Variants in PTPRN2 observed in about 807,000 individuals in gnomAD.
The protein encoded by PTPRN2 is protein tyrosine phosphatase receptor type N2.
Under a neutral mutation model 118.8 loss-of-function variants are expected in PTPRN2, and 74 were observed. The ratio of observed to expected loss-of-function variants is 0.62; its 90% CI spans 0.52 to 0.76. The LOEUF (loss-of-function observed/expected upper bound fraction) is 0.76. PTPRN2 is among the 30% of genes least tolerant of loss of function. The pLI is 0.00. For synonymous variants in PTPRN2, 641 were observed against 608.0 expected (o/e 1.05, Z -0.80); for missense variants, 1,481 against 1,394.4 (o/e 1.06, Z -0.99).
At chr7:158,077,156 G>C (rs938809336) in intron 11 of PTPRN2, among the ~76,000 whole-genome samples, 1 of 152,164 alleles carries the variant, frequency 6.6e-6, no homozygotes, top group Admixed American at 6.5e-5. Flanking sequence ...TCCAGGCATC[G>C]GCACAGAGTC....
chr7:157,747,752 C>G (rs12698107), intron 12 of PTPRN2, among the ~76,000 whole-genome samples: 33 of 72,442 alleles, frequency 4.6e-4, no homozygotes, highest in Middle Eastern at 0.012. Flanking sequence ...TCTCTGAGCT[C>G]TGGGCTGTCC....
chr7:157,828,816 T>C (rs1807357028), intron 12 of PTPRN2, among the ~76,000 whole-genome samples: 1 of 152,248 alleles, frequency 6.6e-6, no homozygotes, highest in Non-Finnish European at 1.5e-5. Flanking sequence ...AAAGGTCCAG[T>C]AGTGGAGAAT....
intron 11 of PTPRN2, among the ~76,000 whole-genome samples, chr7:157,913,086 C>T (rs1798189869): frequency 6.6e-6 from 1 of 152,070 alleles, no homozygotes; most frequent in Admixed American, 6.5e-5. Flanking sequence ...CATTTATTGT[C>T]TTCAACATCT....
At chr7:158,359,159 C>G (rs1808632325) in intron 2 of PTPRN2, among the ~76,000 whole-genome samples, 1 of 152,106 alleles carries the variant, frequency 6.6e-6, no homozygotes, top group South Asian at 2.1e-4. Context: ...CTGCTCAGAC[C>G]CCAGAAATCC....
chr7:157,894,006 C>T (rs1284702426), intron 12 of PTPRN2, among the ~76,000 whole-genome samples: 1 of 152,186 alleles, frequency 6.6e-6, no homozygotes, highest in African/African-American at 2.4e-5. Flanking sequence ...TCCAGCTTCA[C>T]CTGGAATGGG....
intron 2 of PTPRN2, among the ~76,000 whole-genome samples, chr7:158,474,732 C>A (rs983344663): frequency 6.6e-6 from 1 of 152,036 alleles, no homozygotes; most frequent in Non-Finnish European, 1.5e-5. Flanking sequence ...TGAGAGGGAC[C>A]CTCTTCCCAA....
At chr7:158,299,529 C>A (rs1800734637) in intron 3 of PTPRN2, among the ~76,000 whole-genome samples, 1 of 152,174 alleles carries the variant, frequency 6.6e-6, no homozygotes, top group Non-Finnish European at 1.5e-5. Context: ...AACTCCTGAC[C>A]TCTTGATCCG....
intron 2 of PTPRN2, among the ~76,000 whole-genome samples, chr7:158,376,191 T>C (rs116518786): frequency 1.1e-3 from 169 of 152,272 alleles, no homozygotes; most frequent in African/African-American, 3.9e-3. Context: ...CTCCCTTCCC[T>C]AAGGCTCTTT....
At chr7:158,152,084 G>A (rs1821240885) in intron 6 of PTPRN2, among the ~76,000 whole-genome samples, 1 of 146,348 alleles carries the variant, frequency 6.8e-6, no homozygotes, top group African/African-American at 2.5e-5. Flanking sequence ...TGAGGCAGGA[G>A]AATGGTGTGA....
rs1304412647 is a variant in PTPRN2 at position 158,258,986 on chromosome 7, C to T, written c.278-53713G>A. 2.0e-5 allele frequency among the ~76,000 whole-genome samples: 3 copies of T among 152,070 alleles called. No individual in the cohort carries two copies. The East Asian group carries it at 5.8e-4, about 29-fold the overall frequency. On this transcript the variant is annotated intron_variant, in intron 3 of 22. Transcript: ENST00000389418. ...CCAGAGTGGGGTGAGGGAGGTGCAGCGTCGGTACAGGGAGGCAGGAAGCAG... is the reference window on the plus strand; with the variant it reads ...CCAGAGTGGGGTGAGGGAGGTGCAGTGTCGGTACAGGGAGGCAGGAAGCAG...
intron 2 of PTPRN2, among the ~76,000 whole-genome samples, chr7:158,348,461 T>C: frequency 1.0e-5 from 1 of 98,494 alleles, no homozygotes; most frequent in Non-Finnish European, 2.0e-5. Flanking sequence ...CACCCTGGGG[T>C]CCCCATTCAC....
At position 157,596,933 on chromosome 7, in the gene PTPRN2, G is replaced by A. The variant is rs144918901; in HGVS notation, c.2419-1618C>T. On this transcript the variant is annotated intron_variant, in intron 16 of 22. Transcript: ENST00000389418. The surrounding 1 kb of genome is among the most constrained non-coding windows in gnomAD (Gnocchi z 4.2). ...TATGCAATTTTAAGCCAACGCACGA[G>A]GACATCAGTGGTGGCCCCGGTGCTA... Among the ~76,000 whole-genome samples the A allele has an allele frequency of 1.8e-4, 28 of 152,330 alleles. No homozygotes were observed. In the East Asian group the frequency reaches 5.0e-3, roughly 27 times the overall value.
intron 2 of PTPRN2, among the ~76,000 whole-genome samples, chr7:158,375,759 G>A (rs938462011): frequency 6.6e-6 from 1 of 152,180 alleles, no homozygotes; most frequent in Admixed American, 6.5e-5. Context: ...TGTCAGGGAA[G>A]GAGAGAAGAG....
intron 3 of PTPRN2, among the ~76,000 whole-genome samples, chr7:158,266,387 G>A (rs113281237): frequency 3.5e-5 from 5 of 144,926 alleles, no homozygotes; most frequent in Admixed American, 6.9e-5. Flanking sequence ...CTGGCAGTGA[G>A]GCTGGGGACG....
At position 157,785,388 on chromosome 7, in the gene PTPRN2, G is replaced by A. The variant is rs1253362265; in HGVS notation, c.1789-102451C>T. On this transcript the variant is annotated intron_variant, in intron 12 of 22. Transcript: ENST00000389418. The surrounding 1 kb of genome is among the most constrained non-coding windows in gnomAD (Gnocchi z 7.3). The stretch of plus-strand genomic sequence containing the variant: ...GACCACGGTGCTCCAAAACGAAATC[G>A]CCCCCGAGGATGAAAGGGGGTGGTG... Among the ~76,000 whole-genome samples, 2 of 152,150 alleles carry A rather than the reference G, an allele frequency of 1.3e-5. No individual in the cohort carries two copies. The highest frequency in any genetic ancestry group is 2.9e-5 in the Non-Finnish European group (2 of 68,020).
At position 157,793,397 on chromosome 7, in the gene PTPRN2, T is replaced by C. The variant is rs143067184; in HGVS notation, c.1788+105276A>G. The stretch of plus-strand genomic sequence containing the variant: ...GGACCCCCTGTGTACCCTGTGAGTA[T>C]GCACGTTTCTAGAGGTGGAGTTTGA... On this transcript the variant is annotated intron_variant, in intron 12 of 22. Coordinates refer to ENST00000389418, the MANE Select transcript of PTPRN2 (RefSeq NM_002847.5). 9.5e-3 allele frequency among the ~76,000 whole-genome samples: 1,445 copies of C among 152,318 alleles called. 13 individuals are homozygous for C. The highest frequency in any genetic ancestry group is 0.038 in the South Asian group (182 of 4,830).
At chr7:158,089,920 ACGAAAGAGGGAG>A in intron 10 of PTPRN2, among the ~76,000 whole-genome samples, 1 of 40,420 alleles carries the variant, frequency 2.5e-5, no homozygotes, top group African/African-American at 4.8e-5. Context: ...TCTTCCCCTG[ACGAAAGAGGGAG>A]TCTTCACACA....
At chr7:158,045,992 C>G (rs1241664345) in intron 11 of PTPRN2, among the ~76,000 whole-genome samples, 1 of 146,032 alleles carries the variant, frequency 6.8e-6, no homozygotes, top group Non-Finnish European at 1.5e-5. Flanking sequence ...AGGAGCAGAA[C>G]CTGCGATCCT....
chr7:158,461,620 C>T (rs901718702), intron 2 of PTPRN2, among the ~76,000 whole-genome samples: 1 of 152,100 alleles, frequency 6.6e-6, no homozygotes, highest in Admixed American at 6.5e-5. Context: ...TTTTCCAAAG[C>T]ACTCAAATTC....
Sources: allele counts gnomAD v4.1 joint callset (sites outside exome capture counted in the v4.1 genomes callset), GRCh38; gene constraint gnomAD v4.1.1; non-coding constraint Gnocchi (gnomAD v3.1); transcripts MANE v1.5; gene names NCBI Gene and HGNC (gene_info 2026-07-23, HGNC 2026-07-21).